Variants in CYLD observed in about 807,000 individuals in gnomAD.
CYLD encodes the protein CYLD lysine 63 deubiquitinase.
CYLD carries 26 observed loss-of-function variants against 104.5 expected under a neutral mutation model. The observed-to-expected ratio is 0.25, with a 90% CI of 0.18 to 0.35. The LOEUF is 0.35. Among genes scored for constraint, CYLD ranks in the 10% least tolerant of loss-of-function variants. The probability of loss-of-function intolerance (pLI) is 1.00; values close to 1 mark genes in which losing one functional copy is unlikely to be tolerated. For missense variants in CYLD, 703 were observed against 1,136.1 expected (o/e 0.62, Z 5.48); for synonymous variants, 385 against 399.9 (o/e 0.96, Z 0.45).
chr16:50,748,924 A>G (rs1966413808), intron 2 of CYLD, among the ~76,000 whole-genome samples: 1 of 152,218 alleles, frequency 6.6e-6, no homozygotes, highest in African/African-American at 2.4e-5. Flanking sequence ...AATATGGGAC[A>G]GGCCTGGTGG....
chr16:50,745,982 T>C (rs1966159596), intron 2 of CYLD, among the ~76,000 whole-genome samples: 1 of 152,160 alleles, frequency 6.6e-6, no homozygotes, highest in Admixed American at 6.6e-5. Flanking sequence ...ATATTTTTAT[T>C]GCAATACTGG....
chr16:50,800,261 G>A lies in CYLD; in HGVS notation c.*3753G>A, dbSNP rs1350087989. The A allele has an allele frequency of 4.3e-6, 1 of 233,224 alleles. No individual in the cohort carries two copies. The highest frequency in any genetic ancestry group is 8.5e-6 in the Non-Finnish European group (1 of 117,992). 14.4% of individuals were successfully genotyped at this position (233,224 alleles called of 1,614,324 possible). On this transcript the variant is annotated 3_prime_UTR_variant, in exon 19 of 19. Transcript: ENST00000427738. ...ATCCGACTGTTCAGGAAGAGGCCTA[G>A]GAAATCTGTGAGGGAATCCCCAGGG...
At position 50,797,287 on chromosome 16, in the gene CYLD, G is replaced by T. The variant is rs190787930; in HGVS notation, c.*779G>T. 1 of 232,088 alleles carries T rather than the reference G, an allele frequency of 4.3e-6. No homozygotes were observed. Among genetic ancestry groups the T allele is most frequent in the Admixed American group, 5.6e-5 (1 of 17,742 alleles). The allele number at this position is 232,088 out of a possible 1,614,324, so 14.4% of individuals were successfully genotyped here. On this transcript the variant is annotated 3_prime_UTR_variant, in exon 19 of 19. Coordinates refer to ENST00000427738, the MANE Select transcript of CYLD (RefSeq NM_001378743.1). The stretch of plus-strand genomic sequence containing the variant: ...AACTATTAATATTTTATGGAATGGG[G>T]CAAAGTAAATTGATGAAAGAATTGG...
intron 12 of CYLD, chr16:50,785,748 T>C (rs1405684632): frequency 6.6e-6 from 1 of 152,246 alleles, no homozygotes; most frequent in Middle Eastern, 3.2e-3. Context: ...TCCCTGTGTC[T>C]GTAGCATTCA....
chr16:50,772,370 G>A (rs1275652006), intron 5 of CYLD, among the ~76,000 whole-genome samples: 7 of 152,050 alleles, frequency 4.6e-5, no homozygotes, highest in African/African-American at 1.7e-4. Flanking sequence ...TCTTATATTT[G>A]TTTTATATAT....
At chr16:50,793,513 C>T (rs1971637993) in intron 16 of CYLD, 33 bp from the exon 17 acceptor site, 2 of 1,409,806 alleles carry the variant, frequency 1.4e-6, no homozygotes, top group African/African-American at 1.4e-5. Flanking sequence ...TTTTAAAGTC[C>T]TCTTAACTTC....
In CYLD at chr16:50,777,846, A is replaced by T. The variant is rs1301499022; in HGVS notation, c.1043A>T (p.Asn348Ile). 1 of 1,601,884 alleles carries T rather than the reference A, an allele frequency of 6.2e-7. No individual in the cohort carries two copies. Among genetic ancestry groups the T allele is most frequent in the Admixed American group, 1.7e-5 (1 of 59,986 alleles). ...ATAGGATCTACCTCAGACCCTGGAA[A>T]TAGAAACAGATCTGAATTATTTTAT... ...KATGSTSDPG[N>I]RNRSELFYTL... is the part of the protein sequence containing the mutation. Residue 348 changes from asparagine to isoleucine, a missense_variant, in exon 8 of 19, where the codon AAT (asparagine) becomes ATT (isoleucine). This residue lies in a region of CYLD where 183 missense variants were observed against 212.1 expected (regional missense o/e 0.86). Transcript: ENST00000427738.
chr16:50,752,458 T>A (rs1966710366), intron 4 of CYLD, among the ~76,000 whole-genome samples: 2 of 152,198 alleles, frequency 1.3e-5, no homozygotes. Context: ...TTTTGAGGAA[T>A]AGACAATCAG....
chr16:50,801,813 C>T lies in CYLD; in HGVS notation c.*5305C>T. On this transcript the variant is annotated 3_prime_UTR_variant, in exon 19 of 19. Transcript: ENST00000427738. The stretch of plus-strand genomic sequence containing the variant: ...AGACCACCACATAGAATACCCCTTC[C>T]TATCAGCTCGCTCTGATTTAGCCTT... 1 of 233,434 alleles carries T rather than the reference C, an allele frequency of 4.3e-6. No individual in the cohort carries two copies. The highest frequency in any genetic ancestry group is 8.5e-6 in the Non-Finnish European group (1 of 117,816). 14.5% of individuals were successfully genotyped at this position (233,434 alleles called of 1,614,324 possible).
In CYLD at chr16:50,787,878, A is replaced by G. The variant is rs751065316; in HGVS notation, c.2108+26A>G. On this transcript the variant is annotated intron_variant, in intron 14 of 18. Transcript: ENST00000427738. ...GTAACCTTTAAATTGTTCTAGAAGC[A>G]TTGGAAAAATAGACAATTCTCATTT... is the stretch of plus-strand genomic sequence containing the variant. The G allele has an allele frequency of 4.6e-6, 6 of 1,299,722 alleles. No homozygotes were observed. In the Admixed American group the frequency reaches 1.1e-4, roughly 23 times the overall value. The allele number at this position is 1,299,722 out of a possible 1,614,324, so 80.5% of individuals were successfully genotyped here. A position where few individuals can be genotyped will look rare whatever the true frequency, so the allele number is the denominator to read the frequency against.
chr16:50,778,684 G>A (rs1000446499), intron 8 of CYLD, among the ~76,000 whole-genome samples: 1 of 152,108 alleles, frequency 6.6e-6, no homozygotes, highest in Non-Finnish European at 1.5e-5. Flanking sequence ...TGTTTGCCAG[G>A]GACTAGAACA....
chr16:50,745,373 T>TC (rs1189350036), intron 2 of CYLD, among the ~76,000 whole-genome samples: 1 of 141,182 alleles, frequency 7.1e-6, no homozygotes, highest in Non-Finnish European at 1.5e-5. Context: ...TTTTTTTTTT[T>TC]TTTTTTTTTT....
chr16:50,749,556 G>T lies in CYLD; in HGVS notation c.-123-20G>T. 2 of 806,258 alleles carry T rather than the reference G, an allele frequency of 2.5e-6. No homozygotes were observed. The highest frequency in any genetic ancestry group is 3.9e-6 in the Non-Finnish European group (2 of 518,348). The allele number at this position is 806,258 out of a possible 1,614,324, so 49.9% of individuals were successfully genotyped here. On this transcript the variant is annotated intron_variant, in intron 2 of 18. Transcript: ENST00000427738. ...TTTTTGCTTTTTCACTAGGCATTTT[G>T]ATTTCCTTTCTTTTTACAGCATGGA... is the stretch of plus-strand genomic sequence containing the variant.
chr16:50,772,922 T>G (rs535244082), intron 5 of CYLD, among the ~76,000 whole-genome samples: 3 of 152,320 alleles, frequency 2.0e-5, no homozygotes, highest in African/African-American at 7.2e-5. Flanking sequence ...ATATGGCACC[T>G]TCAAGCATTT....
intron 4 of CYLD, among the ~76,000 whole-genome samples, chr16:50,753,409 T>G (rs920199262): frequency 6.6e-6 from 1 of 152,204 alleles, no homozygotes; most frequent in African/African-American, 2.4e-5. Context: ...AGAAGCTGTT[T>G]AGGGTTTAGG....
rs1972337186 is a variant in CYLD, at chr16:50,799,917, G to A, written c.*3409G>A. 4.3e-6 allele frequency: 1 copy of A among 232,874 alleles called. No homozygotes were observed. The allele number at this position is 232,874 out of a possible 1,614,324, so 14.4% of individuals were successfully genotyped here. On this transcript the variant is annotated 3_prime_UTR_variant, in exon 19 of 19. Coordinates refer to ENST00000427738, the MANE Select transcript of CYLD (RefSeq NM_001378743.1). ...GGACACTTACTAGGTGCCTAGGATT[G>A]TATCAGAGGGAATATGAAATGTGTC...
intron 5 of CYLD, 25 bp from the exon 6 acceptor site, chr16:50,775,141 T>C (rs765068801): frequency 4.4e-6 from 7 of 1,593,156 alleles, no homozygotes; most frequent in Non-Finnish European, 6.0e-6. Context: ...CCACTGTGGG[T>C]GATATCGTTT....
chr16:50,796,007 G>A (rs967965684), intron 18 of CYLD, among the ~76,000 whole-genome samples: 6 of 152,202 alleles, frequency 3.9e-5, no homozygotes, highest in African/African-American at 1.4e-4. Flanking sequence ...GAAATGAAAT[G>A]TGAGGAACAG....
rs1597090721 is a variant in CYLD at position 50,793,466 on chromosome 16, CT to C, written c.2351-76del. The C allele has an allele frequency of 1.7e-5, 17 of 1,003,866 alleles. No homozygotes were observed. In the East Asian group the frequency reaches 4.0e-4, roughly 24 times the overall value. The allele number at this position is 1,003,866 out of a possible 1,614,324, so 62.2% of individuals were successfully genotyped here. A position where few individuals can be genotyped will look rare whatever the true frequency, so the allele number is the denominator to read the frequency against. ...GAACATTGTCCTTTTTAAAGCCTAA[CT>C]TTTCTTTACATCTTCTTCATGAAAG... On this transcript the variant is annotated intron_variant, in intron 16 of 18. Transcript: ENST00000427738.
Sources: gnomAD v4.1 joint callset for allele counts (sites outside exome capture counted in the v4.1 genomes callset) on GRCh38, gnomAD v4.1.1 for gene constraint, gnomAD v4.1.1 regional missense constraint, MANE v1.5 for transcripts, NCBI Gene and HGNC (gene_info 2026-07-23, HGNC 2026-07-21) for gene names.